RELB: variants seen among roughly 807,000 people sequenced by gnomAD.
RELB encodes the protein RELB proto-oncogene, NF-kB subunit.
Under a neutral mutation model 55.4 loss-of-function variants are expected in RELB, and 14 were observed. That is an observed-to-expected ratio of 0.25 (90% confidence interval 0.17 to 0.40). The LOEUF is 0.40. RELB is among the 10% of genes least tolerant of loss of function. The probability of loss-of-function intolerance (pLI) is 1.00; values close to 1 mark genes in which losing one functional copy is unlikely to be tolerated. For missense variants in RELB, 669 were observed against 830.7 expected, an observed-to-expected ratio of 0.81 and a Z score of 2.39; for synonymous variants, 409 against 371.3, an observed-to-expected ratio of 1.10 and a Z score of -1.17.
At position 45,002,358 on chromosome 19, in the gene RELB, G is replaced by A. The variant is rs570171394; in HGVS notation, c.107-591G>A. ...GGATGTTTTTTTTTGTTTGTTTTTT[G>A]TTTTTTTCTTTTGAGATGGAGTCTC... On this transcript the variant is annotated intron_variant, in intron 1 of 11. Transcript: ENST00000221452. Among the ~76,000 whole-genome samples the A allele has an allele frequency of 5.3e-5, 8 of 152,092 alleles. No homozygotes were observed. The South Asian group carries it at 1.7e-3, about 32-fold the overall frequency.
At chr19:45,031,518 C>T (rs540821184) in intron 8 of RELB, among the ~76,000 whole-genome samples, 2 of 152,266 alleles carry the variant, frequency 1.3e-5, no homozygotes, top group Non-Finnish European at 2.9e-5. Context: ...TGTGAGTCCT[C>T]TTACTGAACC....
At chr19:45,008,494 A>T (rs1392662946) in intron 2 of RELB, 3 of 456,130 alleles carry the variant, frequency 6.6e-6, no homozygotes. Context: ...GGATTTTCCC[A>T]GTTCAAGTGA....
At chr19:45,021,334 C>T (rs938116106) in intron 4 of RELB, among the ~76,000 whole-genome samples, 1 of 151,448 alleles carries the variant, frequency 6.6e-6, no homozygotes, top group African/African-American at 2.4e-5. Context: ...ATTAGCCGGG[C>T]ATGGTGGTGG....
At chr19:45,020,059 T>TTC (rs1971464892) in intron 4 of RELB, among the ~76,000 whole-genome samples, 2 of 149,810 alleles carry the variant, frequency 1.3e-5, no homozygotes, top group South Asian at 4.2e-4. Context: ...TGCGCAGCCC[T>TTC]TCTCTCCTTT....
Position 45,023,029 on chromosome 19 carries a change from A to G in RELB, c.662+819A>G, listed in dbSNP as rs192552880. 3.3e-5 allele frequency among the ~76,000 whole-genome samples: 5 copies of G among 152,338 alleles called. No homozygotes were observed. In the East Asian group the frequency reaches 7.7e-4, roughly 23 times the overall value. On this transcript the variant is annotated intron_variant, in intron 5 of 11. Transcript: ENST00000221452. ...TGACTTTGGGTAGAGCCCTAAAGGC[A>G]GCACGCACTTCAGAGGTAGGGCTGA...
At chr19:45,018,100 A>C (rs189035508) in intron 4 of RELB, among the ~76,000 whole-genome samples, 15 of 150,578 alleles carry the variant, frequency 1.0e-4, no homozygotes, top group African/African-American at 3.4e-4. Context: ...AACCCCATCT[A>C]TACTAAAAAT....
intron 5 of RELB, among the ~76,000 whole-genome samples, chr19:45,024,487 T>G (rs1446583605): frequency 6.6e-6 from 1 of 151,882 alleles, no homozygotes; most frequent in African/African-American, 2.4e-5. Context: ...AAAGATGAAG[T>G]TGGCCAGTGT....
At chr19:45,031,752 A>G (rs1001009397) in intron 8 of RELB, among the ~76,000 whole-genome samples, 4 of 150,694 alleles carry the variant, frequency 2.7e-5, no homozygotes, top group Middle Eastern at 3.5e-3. Flanking sequence ...ATTTTTTTGT[A>G]TTTTTAGTAG....
intron 2 of RELB, among the ~76,000 whole-genome samples, chr19:45,004,506 G>A (rs1420918837): frequency 1.3e-5 from 2 of 151,276 alleles, no homozygotes; most frequent in Admixed American, 6.6e-5. Flanking sequence ...TTACAGGCGC[G>A]AGCCACCGTG....
chr19:45,037,628 G>T lies in RELB; in HGVS notation c.1578G>T (p.Gly526=). 6.2e-7 allele frequency: 1 copy of T among 1,601,612 alleles called. No homozygotes were observed. The highest frequency in any genetic ancestry group is 1.3e-5 in the African/African-American group (1 of 74,292). Residue 526 remains glycine (G), a synonymous_variant, in exon 12 of 12, where the codon GGG becomes GGT. Transcript: ENST00000221452. ...VCSGGAGAVV[G]ETPGPEPLTL... is the part of the protein sequence containing the mutation. ...GCGGAGGTGCCGGGGCCGTGGTTGG[G>T]GAGACCCCCGGCCCTGAACCACTGA...
intron 9 of RELB, among the ~76,000 whole-genome samples, chr19:45,033,278 A>C (rs561363372): frequency 5.6e-4 from 86 of 152,290 alleles, no homozygotes; most frequent in Non-Finnish European, 1.1e-3. Flanking sequence ...TAAGCAGGGA[A>C]GTTTTCTAGG....
intron 1 of RELB, among the ~76,000 whole-genome samples, chr19:45,002,347 GTTTGT>G (rs1971223435): frequency 1.3e-5 from 2 of 151,870 alleles, no homozygotes; most frequent in Admixed American, 1.3e-4. Flanking sequence ...GTTTTTTTTT[GTTTGT>G]TTTTTGTTTT....
At position 45,032,482 on chromosome 19, in the gene RELB, G is replaced by A. The variant is rs1233762802; in HGVS notation, c.992-52G>A. ...TTAGGGGAGGCTGGGCAAGTTGGGA[G>A]CACAGTGGTCCAGATGTCCTGGCTT... On this transcript the variant is annotated intron_variant, in intron 8 of 11. Transcript: ENST00000221452. 4 of 1,461,040 alleles carry A rather than the reference G, an allele frequency of 2.7e-6. No homozygotes were observed. The African/African-American group carries it at 4.2e-5, about 15-fold the overall frequency. The allele number at this position is 1,461,040 out of a possible 1,614,324, so 90.5% of individuals were successfully genotyped here. A position where few individuals can be genotyped will look rare whatever the true frequency, so the allele number is the denominator to read the frequency against.
In RELB at chr19:45,019,801, C is replaced by T. The variant is rs190282975; in HGVS notation, c.505-2252C>T. Among the ~76,000 whole-genome samples the T allele has an allele frequency of 5.6e-4, 85 of 152,280 alleles. 1 individual carries two copies. In the East Asian group the frequency reaches 0.014, roughly 26 times the overall value. ...CAAGTGATTCTCCTGCCTCAGCCTC[C>T]CGAGTAGCTGGGACTACAGGCATGT... On this transcript the variant is annotated intron_variant, in intron 4 of 11. Coordinates refer to ENST00000221452, the MANE Select transcript of RELB (RefSeq NM_006509.4).
chr19:45,033,268 T>C (rs1441850184), intron 9 of RELB, among the ~76,000 whole-genome samples: 1 of 152,154 alleles, frequency 6.6e-6, no homozygotes, highest in South Asian at 2.1e-4. Context: ...GGAGGATGAC[T>C]AAGCAGGGAA....
Position 45,012,181 on chromosome 19 carries a change from G to T in RELB, c.409G>T (p.Gly137Cys). 1 of 1,546,958 alleles carries T rather than the reference G, an allele frequency of 6.5e-7. No individual in the cohort carries two copies. Among genetic ancestry groups the T allele is most frequent in the Non-Finnish European group, 8.6e-7 (1 of 1,158,226 alleles). Residue 137 changes from glycine (G) to cysteine (C), a missense_variant, in exon 4 of 12, where the codon GGC (glycine) becomes TGC (cysteine). Physicochemically the swap from Gly to Cys is radical, Grantham distance 159. Transcript: ENST00000221452. Reference protein sequence around the residue: ...LVITEQPKQRGMRFRYECEGR... With the variant: ...LVITEQPKQRCMRFRYECEGR... ...CATCACGGAGCAGCCCAAGCAGCGC[G>T]GCATGCGCTTCCGCTACGAGTGCGA...
chr19:45,010,167 G>A (rs1453984359), intron 3 of RELB, among the ~76,000 whole-genome samples: 1 of 151,352 alleles, frequency 6.6e-6, no homozygotes, highest in Non-Finnish European at 1.5e-5. Flanking sequence ...GCCGGGCATG[G>A]TGGTGCGCAC....
chr19:45,029,730 A>G (rs901362106), intron 8 of RELB, among the ~76,000 whole-genome samples: 1 of 152,008 alleles, frequency 6.6e-6, no homozygotes, highest in Non-Finnish European at 1.5e-5. Context: ...TACACCTGTA[A>G]TCCCAGCTAC....
chr19:45,026,377 T>G (rs1361980856), intron 7 of RELB, among the ~76,000 whole-genome samples: 1 of 151,784 alleles, frequency 6.6e-6, no homozygotes, highest in Non-Finnish European at 1.5e-5. Flanking sequence ...CAGTCCAGCC[T>G]GGGCAACAGA....
Sources: gnomAD v4.1 joint callset for allele counts (sites outside exome capture counted in the v4.1 genomes callset) on GRCh38, gnomAD v4.1.1 for gene constraint, MANE v1.5 for transcripts, NCBI Gene and HGNC (gene_info 2026-07-23, HGNC 2026-07-21) for gene names.